Variants in FANCM observed in about 807,000 individuals in gnomAD.
FANCM encodes Fanconi anemia group M protein.
In FANCM, 140 loss-of-function variants were observed where a neutral mutation model predicts 199.5. The observed-to-expected ratio is 0.70, with a 90% CI of 0.61 to 0.81. The LOEUF is 0.81. Among genes scored for constraint, FANCM ranks in the 30% least tolerant of loss-of-function variants. The probability of loss-of-function intolerance (pLI) is 0.00; values close to 1 mark genes in which losing one functional copy is unlikely to be tolerated. For missense variants in FANCM, 2,410 were observed against 2,421.4 expected, an observed-to-expected ratio of 1.00 and a Z score of 0.10; for synonymous variants, 840 against 836.8, an observed-to-expected ratio of 1.00 and a Z score of -0.07.
chr14:45,166,924 CT>C (rs751845157), intron 10 of FANCM, 25 bp from the exon 11 acceptor site: 50 of 1,197,292 alleles, frequency 4.2e-5, no homozygotes, highest in Non-Finnish European at 6.0e-5. Flanking sequence ...GTAATATAAT[CT>C]GACATTTTCT....
At chr14:45,172,648 T>C (rs1888414133) in intron 12 of FANCM, among the ~76,000 whole-genome samples, 1 of 152,214 alleles carries the variant, frequency 6.6e-6, no homozygotes, top group Non-Finnish European at 1.5e-5. Flanking sequence ...AAACTTTAAA[T>C]TTGATGTTAT....
At chr14:45,144,160 A>G (rs1282781015) in intron 3 of FANCM, among the ~76,000 whole-genome samples, 3 of 152,090 alleles carry the variant, frequency 2.0e-5, no homozygotes, top group Non-Finnish European at 4.4e-5. Flanking sequence ...CCATCACCTT[A>G]AGCATTTATT....
intron 19 of FANCM, among the ~76,000 whole-genome samples, chr14:45,188,153 A>T (rs1889523665): frequency 6.6e-6 from 1 of 152,194 alleles, no homozygotes; most frequent in Admixed American, 6.5e-5. Flanking sequence ...AGCCTGGCCA[A>T]CATGGTGAAA....
At chr14:45,191,137 C>A (rs988056444) in intron 20 of FANCM, among the ~76,000 whole-genome samples, 9 of 152,090 alleles carry the variant, frequency 5.9e-5, no homozygotes, top group African/African-American at 2.2e-4. Context: ...TATGACGTGT[C>A]CTTATGTTGA....
At chr14:45,164,296 A>C in intron 9 of FANCM, 63 bp from the exon 10 acceptor site, 2 of 1,357,286 alleles carry the variant, frequency 1.5e-6, no homozygotes, top group Non-Finnish European at 2.1e-6. Context: ...GGGGAAAAAT[A>C]TGCTTTGATC....
chr14:45,159,109 T>C lies in FANCM; in HGVS notation c.1410T>C (p.Thr470=), dbSNP rs902157805. The stretch of plus-strand genomic sequence containing the variant: ...ATATATATATAGCTGAAAACACTAC[T>C]GAAAAGAAACGTGATGAGACCCGAG... ...HFKSWNAENT[T]EKKRDETRVM... The change falls in exon 9 of 23, where the codon ACT becomes ACC. Residue 470 remains threonine, a synonymous_variant. Coordinates refer to ENST00000267430, the MANE Select transcript of FANCM (RefSeq NM_020937.4). 2 of 1,603,692 alleles carry C rather than the reference T, an allele frequency of 1.2e-6. No individual in the cohort carries two copies. Among genetic ancestry groups the C allele is most frequent in the South Asian group, 1.1e-5 (1 of 90,322 alleles).
intron 21 of FANCM, 50 bp downstream of exon 21, chr14:45,196,597 G>T: frequency 6.5e-7 from 1 of 1,540,318 alleles, no homozygotes. Context: ...GGAACTTTAC[G>T]GTTAACTTAG....
rs548429954 is a variant in FANCM at position 45,187,763 on chromosome 14, A to G, written c.4673-18A>G. On this transcript the variant is annotated intron_variant, in intron 18 of 22. Coordinates refer to ENST00000267430, the MANE Select transcript of FANCM (RefSeq NM_020937.4). ...TAAATAATTTTGCTAATTTATCTAA[A>G]TTCTTATCTTTACACAGATTCTGAA... 7.9e-7 allele frequency: 1 copy of G among 1,258,882 alleles called. No individual in the cohort carries two copies. Among genetic ancestry groups the G allele is most frequent in the African/African-American group, 1.5e-5 (1 of 67,932 alleles). The allele number at this position is 1,258,882 out of a possible 1,614,324, so 78.0% of individuals were successfully genotyped here. A position where few individuals can be genotyped will look rare whatever the true frequency, so the allele number is the denominator to read the frequency against.
intron 2 of FANCM, chr14:45,137,584 G>C (rs1885612255): frequency 3.3e-6 from 1 of 302,244 alleles, no homozygotes; most frequent in Non-Finnish European, 6.4e-6. Context: ...AATAAAGATT[G>C]GTAGTGGATA....
Position 45,148,905 on chromosome 14 carries a change from T to C in FANCM, c.828T>C (p.Asp276=). The change falls in exon 4 of 23, where the codon GAT becomes GAC. Residue 276 remains aspartate, a synonymous_variant. Transcript: ENST00000267430. Reference sequence around the variant, plus strand: ...AGCTTCGTTCTGAAGATTCTCCAGATATTTTGACATATTCTCATGAAAGAA... The same window carrying C: ...AGCTTCGTTCTGAAGATTCTCCAGACATTTTGACATATTCTCATGAAAGAA... The part of the protein sequence containing the change: ...QIELRSEDSP[D]ILTYSHERKV... The C allele has an allele frequency of 1.2e-6, 2 of 1,612,458 alleles. No individual in the cohort carries two copies. The highest frequency in any genetic ancestry group is 1.7e-6 in the Non-Finnish European group (2 of 1,178,592).
chr14:45,162,956 G>T (rs1432609455), intron 9 of FANCM, among the ~76,000 whole-genome samples: 2 of 151,926 alleles, frequency 1.3e-5, no homozygotes, highest in Non-Finnish European at 2.9e-5. Flanking sequence ...CAAAGGAAAT[G>T]AATTACTCTT....
In FANCM at chr14:45,198,756, T is replaced by C. The variant is rs1890208727; in HGVS notation, c.5829T>C (p.Asp1943=). ...GTTCCTGCCAAGAAGAAACCGCAGA[T>C]TTGCTAAAGGAACTGTCTTTAGTGG... ...LFSSCQEETA[D]LLKELSLVEQ... The change falls in exon 22 of 23, where the codon GAT becomes GAC. Residue 1943 remains aspartate, a synonymous_variant. Coordinates refer to ENST00000267430, the MANE Select transcript of FANCM (RefSeq NM_020937.4). 6.2e-7 allele frequency: 1 copy of C among 1,614,020 alleles called. No homozygotes were observed. Among genetic ancestry groups the C allele is most frequent in the African/African-American group, 1.3e-5 (1 of 75,034 alleles).
intron 20 of FANCM, 65 bp downstream of exon 20, chr14:45,189,427 G>C (rs1257354168): frequency 7.7e-7 from 1 of 1,301,116 alleles, no homozygotes; most frequent in Non-Finnish European, 1.1e-6. Context: ...TTTCTTTCTT[G>C]TGTGTGTGTT....
rs908666610 is a variant in FANCM, at chr14:45,178,648, A to G, written c.4222+1672A>G. On this transcript the variant is annotated intron_variant, in intron 14 of 22. Transcript: ENST00000267430. ...CTGCATTTAACTTTGGCTTCCTTAT[A>G]AGGTAATGAAAAAAGAAAAACTAGT... Among the ~76,000 whole-genome samples, 4 of 152,338 alleles carry G rather than the reference A, an allele frequency of 2.6e-5. No individual in the cohort carries two copies. The South Asian group carries it at 6.2e-4, about 24-fold the overall frequency.
chr14:45,136,029 C>G lies in FANCM; in HGVS notation c.-3C>G, dbSNP rs767218455. 1 of 1,613,144 alleles carries G rather than the reference C, an allele frequency of 6.2e-7. No homozygotes were observed. Among genetic ancestry groups the G allele is most frequent in the East Asian group, 2.2e-5 (1 of 44,880 alleles). The stretch of plus-strand genomic sequence containing the variant: ...ACAGAAGCCTTCGGTGGTTGTCGGC[C>G]TAATGAGCGGACGGCAAAGAACGCT... On this transcript the variant is annotated 5_prime_UTR_variant, in exon 1 of 23. Coordinates refer to ENST00000267430, the MANE Select transcript of FANCM (RefSeq NM_020937.4).
At chr14:45,174,232 C>G (rs143316021) in intron 13 of FANCM, among the ~76,000 whole-genome samples, 1 of 152,036 alleles carries the variant, frequency 6.6e-6, no homozygotes, top group East Asian at 1.9e-4. Flanking sequence ...ACTAAAAATA[C>G]AAAAATTAGC....
Position 45,136,288 on chromosome 14 carries a change from C to G in FANCM, c.257C>G (p.Pro86Arg). Residue 86 changes from proline to arginine, a missense_variant, in exon 1 of 23, where the codon CCT becomes CGT. By Grantham distance (103) the Pro-to-Arg change is moderately radical. Coordinates refer to ENST00000267430, the MANE Select transcript of FANCM (RefSeq NM_020937.4). ...TCCGCGGGCGCCCTGTGGATTTACC[C>G]TACCAATTGCCCAGTGCGGGACTAC... The part of the protein sequence containing the change: ...CTSAGALWIY[P>R]TNCPVRDYQL... 6.2e-7 allele frequency: 1 copy of G among 1,614,186 alleles called. No individual in the cohort carries two copies. The highest frequency in any genetic ancestry group is 1.3e-5 in the African/African-American group (1 of 75,032).
rs1490835418 is a variant in FANCM, at chr14:45,173,139, G to T, written c.2245G>T (p.Val749Phe). The T allele has an allele frequency of 6.2e-7, 1 of 1,613,238 alleles. No homozygotes were observed. Among genetic ancestry groups the T allele is most frequent in the African/African-American group, 1.3e-5 (1 of 75,020 alleles). ...WQDHPLPTHQVDHSDRCRHFI... is the reference protein window; with the variant it reads ...WQDHPLPTHQFDHSDRCRHFI... ...AGATCATCCTTTGCCTACACATCAAGTTGATCACTCAGATCGATGCCGCCA... is the reference window on the plus strand; with the variant it reads ...AGATCATCCTTTGCCTACACATCAATTTGATCACTCAGATCGATGCCGCCA... The change falls in exon 13 of 23, where the codon GTT becomes TTT. Residue 749 changes from valine to phenylalanine, a missense_variant. Transcript: ENST00000267430.
At position 45,164,394 on chromosome 14, in the gene FANCM, G is replaced by T. The variant is rs779563169; in HGVS notation, c.1617G>T (p.Thr539=). ...AGTTTCGTGACGGTGGTTACAACAC[G>T]CTGGTTTCTACCTGTGTGGGTGAAG... is the stretch of plus-strand genomic sequence containing the variant. ...VKQFRDGGYN[T]LVSTCVGEEG... Residue 539 remains threonine, a synonymous_variant, in exon 10 of 23, where the codon ACG becomes ACT. Coordinates refer to ENST00000267430, the MANE Select transcript of FANCM (RefSeq NM_020937.4). 4.3e-6 allele frequency: 7 copies of T among 1,613,094 alleles called. No homozygotes were observed. Among genetic ancestry groups the T allele is most frequent in the East Asian group, 2.2e-5 (1 of 44,896 alleles).
Sources: gnomAD v4.1 joint callset for allele counts (sites outside exome capture counted in the v4.1 genomes callset) on GRCh38, gnomAD v4.1.1 for gene constraint, MANE v1.5 for transcripts, NCBI Gene and HGNC (gene_info 2026-07-23, HGNC 2026-07-21) for gene names.